Variants in ANP32A observed in about 807,000 individuals in gnomAD.
ANP32A encodes acidic nuclear phosphoprotein 32 family member A.
ANP32A carries 1 observed loss-of-function variant against 33.9 expected under a neutral mutation model. That is an observed-to-expected ratio of 0.03 (90% CI 0.01 to 0.14). The LOEUF is 0.14. Among genes scored for constraint, ANP32A ranks in the 10% least tolerant of loss-of-function variants. ANP32A has a pLI of 1.00. For missense variants in ANP32A, 155 were observed against 306.0 expected (o/e 0.51, Z 3.68); for synonymous variants, 115 against 120.5 (o/e 0.95, Z 0.30).
intron 5 of ANP32A, among the ~76,000 whole-genome samples, chr15:68,782,077 C>T (rs1391032447): frequency 1.3e-5 from 2 of 152,182 alleles, no homozygotes; most frequent in Non-Finnish European, 2.9e-5. Flanking sequence ...CTTGTCCATG[C>T]TATTGTCACT....
At chr15:68,812,153 A>G (rs1414492198) in intron 1 of ANP32A, among the ~76,000 whole-genome samples, 2 of 152,162 alleles carry the variant, frequency 1.3e-5, no homozygotes, top group Non-Finnish European at 2.9e-5. Context: ...GGCAGGCACT[A>G]TTACAACCTC....
At chr15:68,820,546 C>A (rs1894458671) in intron 1 of ANP32A, among the ~76,000 whole-genome samples, 152 bp downstream of exon 1, 1 of 148,616 alleles carries the variant, frequency 6.7e-6, no homozygotes, top group Non-Finnish European at 1.5e-5. Context: ...TGCAACCCCC[C>A]AGCCTTGCCA....
intron 5 of ANP32A, among the ~76,000 whole-genome samples, chr15:68,781,970 A>G (rs951176932): frequency 1.3e-5 from 2 of 152,126 alleles, no homozygotes; most frequent in South Asian, 4.1e-4. Flanking sequence ...ACTGGAAGAC[A>G]CTATCTGAGT....
intron 2 of ANP32A, 37 bp downstream of exon 2, chr15:68,787,733 C>T (rs534500785): frequency 4.0e-5 from 64 of 1,604,922 alleles, no homozygotes; most frequent in African/African-American, 2.7e-4. Context: ...ACTCCCCACC[C>T]CCGCCTCCCA....
Position 68,814,420 on chromosome 15 carries a change from A to G in ANP32A, c.54+6278T>C, listed in dbSNP as rs74020513. Reference sequence around the variant, plus strand: ...ACAAAAATTATAAAATAAATAAATAAAAAAGGAAACAAGTCTCATACTGCT... The same window carrying G: ...ACAAAAATTATAAAATAAATAAATAGAAAAGGAAACAAGTCTCATACTGCT... On this transcript the variant is annotated intron_variant, in intron 1 of 6. Coordinates refer to ENST00000465139, the MANE Select transcript of ANP32A (RefSeq NM_006305.4). 7.3e-3 allele frequency among the ~76,000 whole-genome samples: 1,107 copies of G among 152,048 alleles called. 12 individuals carry two copies. The highest frequency in any genetic ancestry group is 0.025 in the African/African-American group (1,053 of 41,500).
intron 1 of ANP32A, among the ~76,000 whole-genome samples, chr15:68,810,968 G>A (rs1214137325): frequency 6.6e-6 from 1 of 150,524 alleles, no homozygotes; most frequent in Non-Finnish European, 1.5e-5. Context: ...GCTGAGGCAC[G>A]AGAATCGCTT....
At chr15:68,815,489 A>C (rs895291445) in intron 1 of ANP32A, among the ~76,000 whole-genome samples, 8 of 152,134 alleles carry the variant, frequency 5.3e-5, no homozygotes, top group African/African-American at 1.9e-4. Context: ...AGTCATTGGG[A>C]TTCAAAGAGT....
At chr15:68,808,817 A>C (rs1336231108) in intron 1 of ANP32A, among the ~76,000 whole-genome samples, 31 of 152,214 alleles carry the variant, frequency 2.0e-4, no homozygotes, top group Admixed American at 2.0e-3. Flanking sequence ...AGGCAGCAGA[A>C]TCCAGAAACC....
chr15:68,787,991 T>G, intron 1 of ANP32A, 72 bp from the exon 2 acceptor site: 1 of 1,579,600 alleles, frequency 6.3e-7, no homozygotes, highest in Non-Finnish European at 8.7e-7. Flanking sequence ...GTTAGAGGAC[T>G]CCTCAGAGAA....
At chr15:68,806,198 C>T (rs1392817334) in intron 1 of ANP32A, among the ~76,000 whole-genome samples, 1 of 152,158 alleles carries the variant, frequency 6.6e-6, no homozygotes, top group East Asian at 1.9e-4. Flanking sequence ...AATAAGCCTC[C>T]TGGGGCTAAT....
chr15:68,785,120 C>A (rs754480598), intron 3 of ANP32A, among the ~76,000 whole-genome samples: 27 of 152,266 alleles, frequency 1.8e-4, no homozygotes, highest in Admixed American at 1.2e-3. Flanking sequence ...TAGTTAATTT[C>A]ACATATGTGG....
At chr15:68,806,697 C>G (rs939877531) in intron 1 of ANP32A, among the ~76,000 whole-genome samples, 2 of 152,256 alleles carry the variant, frequency 1.3e-5, no homozygotes, top group Non-Finnish European at 2.9e-5. Flanking sequence ...CTACCAGAGA[C>G]AGCTGAAAGC....
chr15:68,798,462 C>A (rs947700586), intron 1 of ANP32A, among the ~76,000 whole-genome samples: 2 of 152,176 alleles, frequency 1.3e-5, no homozygotes, highest in African/African-American at 4.8e-5. Context: ...CCCATCAATG[C>A]CACTTTTGGG....
At chr15:68,813,216 C>T (rs1011164914) in intron 1 of ANP32A, among the ~76,000 whole-genome samples, 17 of 152,186 alleles carry the variant, frequency 1.1e-4, no homozygotes, top group African/African-American at 4.1e-4. Flanking sequence ...CACTGGGTTG[C>T]AGGGTGTGGC....
At chr15:68,799,262 G>A (rs1894099983) in intron 1 of ANP32A, among the ~76,000 whole-genome samples, 1 of 152,186 alleles carries the variant, frequency 6.6e-6, no homozygotes, top group South Asian at 2.1e-4. Context: ...GGGGCTGCTG[G>A]AAGGAAGGGG....
At chr15:68,785,191 A>T (rs1893916790) in intron 3 of ANP32A, among the ~76,000 whole-genome samples, 1 of 152,142 alleles carries the variant, frequency 6.6e-6, no homozygotes, top group African/African-American at 2.4e-5. Context: ...CTGTGCTCTT[A>T]CTCTTTGAAT....
intron 1 of ANP32A, among the ~76,000 whole-genome samples, chr15:68,805,817 T>C (rs952362645): frequency 2.0e-5 from 3 of 152,174 alleles, no homozygotes; most frequent in African/African-American, 7.2e-5. Context: ...TGGGTCTTCA[T>C]GGCACTCATC....
intron 1 of ANP32A, among the ~76,000 whole-genome samples, chr15:68,795,132 C>G (rs890950971): frequency 1.3e-5 from 2 of 152,156 alleles, no homozygotes; most frequent in Non-Finnish European, 2.9e-5. Flanking sequence ...ATGGAATTAA[C>G]AGATCACTCG....
chr15:68,817,720 G>C (rs1397967337), intron 1 of ANP32A: 2 of 152,178 alleles, frequency 1.3e-5, no homozygotes, highest in Non-Finnish European at 2.9e-5. Flanking sequence ...TCGTCCTCCC[G>C]GCGCCGCGGC....
Sources: allele counts gnomAD v4.1 joint callset (sites outside exome capture counted in the v4.1 genomes callset), GRCh38; gene constraint gnomAD v4.1.1; transcripts MANE v1.5; gene names NCBI Gene and HGNC (gene_info 2026-07-23, HGNC 2026-07-21).